TREH: variants seen among roughly 807,000 people sequenced by gnomAD.
The protein encoded by TREH is trehalase, also known as alpha,alpha-trehalose glucohydrolase.
In TREH, 69 loss-of-function variants were observed where a neutral mutation model predicts 80.5. The ratio of observed to expected loss-of-function variants is 0.86; its 90% confidence interval spans 0.71 to 1.05. The LOEUF (loss-of-function observed/expected upper bound fraction) is 1.05. TREH is among the 50% of genes least tolerant of loss of function. TREH has a pLI of 0.00. For missense variants in TREH, 716 were observed against 718.8 expected (o/e 1.00, Z 0.04); for synonymous variants, 309 against 293.5 (o/e 1.05, Z -0.54).
chr11:118,662,139 A>ACTGAT, intron 4 of TREH, 149 bp from the exon 5 acceptor site: 1 of 649,576 alleles, frequency 1.5e-6, no homozygotes, highest in Non-Finnish European at 2.7e-6. Context: ...CAGCCATGTA[A>ACTGAT]TCAAGGCCTG....
intron 1 of TREH, among the ~76,000 whole-genome samples, chr11:118,669,042 G>GAAAAGAAGTAA: frequency 6.6e-6 from 1 of 152,198 alleles, no homozygotes; most frequent in Admixed American, 6.5e-5. Context: ...CCTTAAGTAA[G>GAAAAGAAGTAA]AAAAGAAGTA....
At position 118,658,706 on chromosome 11, in the gene TREH, C is replaced by G; in HGVS notation, c.1573G>C (p.Gly525Arg). 1 of 1,602,080 alleles carries G rather than the reference C, an allele frequency of 6.2e-7. No homozygotes were observed. Among genetic ancestry groups the G allele is most frequent in the Non-Finnish European group, 8.5e-7 (1 of 1,174,232 alleles). ...KYDVSNGGQP[G>R]GGGEYEVQEG... ...TGAACTTCATATTCTCCTCCCCCAC[C>G]GGGCTGTCCACCGTTGCTGACGTCA... Residue 525 changes from glycine (G) to arginine (R), a missense_variant, in exon 14 of 15, where the codon GGT (glycine) becomes CGT (arginine). By Grantham distance (125) the Gly-to-Arg change is moderately radical. Transcript: ENST00000264029.
Position 118,660,392 on chromosome 11 carries a change from A to G in TREH, c.1102+147T>C. 8 of 770,308 alleles carry G rather than the reference A, an allele frequency of 1.0e-5. No individual in the cohort carries two copies. In the East Asian group the frequency reaches 1.6e-4, roughly 16 times the overall value. The allele number at this position is 770,308 out of a possible 1,614,324, so 47.7% of individuals were successfully genotyped here. On this transcript the variant is annotated intron_variant, in intron 10 of 14. Coordinates refer to ENST00000264029, the MANE Select transcript of TREH (RefSeq NM_007180.3). ...CGTTTGTTCTCTTGTCTGGTACGCAAATGTGAGTGCAGGCTTCCACTAGGG... is the reference window on the plus strand; with the variant it reads ...CGTTTGTTCTCTTGTCTGGTACGCAGATGTGAGTGCAGGCTTCCACTAGGG...
Position 118,661,303 on chromosome 11 carries a change from C to G in TREH, c.735-21G>C. 1 of 1,613,956 alleles carries G rather than the reference C, an allele frequency of 6.2e-7. No individual in the cohort carries two copies. The highest frequency in any genetic ancestry group is 8.5e-7 in the Non-Finnish European group (1 of 1,179,872). On this transcript the variant is annotated intron_variant, in intron 7 of 14. Coordinates refer to ENST00000264029, the MANE Select transcript of TREH (RefSeq NM_007180.3). The surrounding 1 kb of genome is among the most constrained non-coding windows in gnomAD (Gnocchi z 4.2). ...TTTCCCTGGAGTGAAGCAGACAACA[C>G]CTCAGCCCAGGCGTGCTGCCCATCC...
intron 12 of TREH, 64 bp from the exon 13 acceptor site, chr11:118,659,081 C>T (rs1949270198): frequency 3.3e-6 from 5 of 1,495,082 alleles, no homozygotes; most frequent in Middle Eastern, 1.9e-4. Context: ...GCAGTGGCTG[C>T]ACCCTACTCT....
intron 1 of TREH, among the ~76,000 whole-genome samples, chr11:118,668,561 C>CAAAA (rs35085066): frequency 0.034 from 1,611 of 47,806 alleles, 435 homozygotes; most frequent in Non-Finnish European, 0.042. Flanking sequence ...GACTCTGTCT[C>CAAAA]AAAAAAAAAA....
chr11:118,658,545 C>T (rs1949253359), intron 14 of TREH, 104 bp from the exon 15 acceptor site: 21 of 1,521,826 alleles, frequency 1.4e-5, no homozygotes, highest in East Asian at 4.9e-5. Context: ...CTAACCCCAG[C>T]GGTACAGGAA....
At position 118,663,171 on chromosome 11, in the gene TREH, C is replaced by T. The variant is rs370468179; in HGVS notation, c.216G>A (p.Glu72=). The T allele has an allele frequency of 4.3e-6, 7 of 1,612,652 alleles. 1 individual carries two copies. The highest frequency in any genetic ancestry group is 5.9e-6 in the Non-Finnish European group (7 of 1,179,380). ...APEQVLQTFT[E]LSRDHNHSIP... Reference sequence around the variant, plus strand: ...TGCTGTGATTGTGGTCCCTGGACAGCTCAGTGAAGGTCTGCAGGACTTGTT... The same window carrying T: ...TGCTGTGATTGTGGTCCCTGGACAGTTCAGTGAAGGTCTGCAGGACTTGTT... Residue 72 remains glutamate (E), a synonymous_variant, in exon 3 of 15, where the codon GAG becomes GAA. Transcript: ENST00000264029.
chr11:118,659,988 C>T, intron 10 of TREH, 24 bp from the exon 11 acceptor site: 1 of 1,546,150 alleles, frequency 6.5e-7, no homozygotes, highest in Non-Finnish European at 8.7e-7. Flanking sequence ...GCCTTTAGAG[C>T]CAGCAGCCAG....
chr11:118,673,620 C>G (rs1275884181), intron 1 of TREH, among the ~76,000 whole-genome samples: 5 of 152,180 alleles, frequency 3.3e-5, no homozygotes, highest in African/African-American at 9.7e-5. Flanking sequence ...TGCCCCAGTT[C>G]CTTTTGATCC....
chr11:118,660,224 TC>T (rs1949303960), intron 10 of TREH, among the ~76,000 whole-genome samples: 1 of 152,134 alleles, frequency 6.6e-6, no homozygotes, highest in African/African-American at 2.4e-5. Flanking sequence ...CTGGGTGGAT[TC>T]CCCTAGCTCT....
At chr11:118,669,028 A>G (rs1229384094) in intron 1 of TREH, among the ~76,000 whole-genome samples, 1 of 152,236 alleles carries the variant, frequency 6.6e-6, no homozygotes, top group Non-Finnish European at 1.5e-5. Context: ...GCAGACATAC[A>G]TTCCCTTAAG....
At chr11:118,663,489 A>G in intron 1 of TREH, 50 bp from the exon 2 acceptor site, 2 of 1,424,586 alleles carry the variant, frequency 1.4e-6, no homozygotes, top group Non-Finnish European at 1.9e-6. Context: ...CCACCCCATT[A>G]GGACAGAAGA....
chr11:118,658,545 C>A, intron 14 of TREH, 104 bp from the exon 15 acceptor site: 2 of 1,521,826 alleles, frequency 1.3e-6, no homozygotes, highest in Non-Finnish European at 1.8e-6. Flanking sequence ...CTAACCCCAG[C>A]GGTACAGGAA....
Position 118,661,960 on chromosome 11 carries a change from G to T in TREH, c.454C>A (p.Arg152=). ...TGTTCTGAGTAGATGAGAGAGAACC[G>T]CTCAGGGTGGCTGAGAACCTCTGGC... ...MKPEVLSHPE[R]FSLIYSEHPF... The change falls in exon 5 of 15, where the codon CGG becomes AGG. Residue 152 remains arginine, a synonymous_variant. Coordinates refer to ENST00000264029, the MANE Select transcript of TREH (RefSeq NM_007180.3). The surrounding 1 kb of genome is among the most constrained non-coding windows in gnomAD (Gnocchi z 4.2). The T allele has an allele frequency of 6.4e-7, 1 of 1,554,364 alleles. No homozygotes were observed.
intron 1 of TREH, among the ~76,000 whole-genome samples, chr11:118,676,862 AG>A (rs10719394): frequency 1 from 152,172 of 152,174 alleles, 76,085 homozygotes; most frequent in Non-Finnish European, 1. Context: ...GGAGATTCCA[AG>A]GAGCTTAGAG....
At chr11:118,664,039 T>C (rs1949354116) in intron 1 of TREH, among the ~76,000 whole-genome samples, 1 of 152,206 alleles carries the variant, frequency 6.6e-6, no homozygotes. Flanking sequence ...GAAGAGTTCC[T>C]GAATAAAATG....
intron 1 of TREH, among the ~76,000 whole-genome samples, chr11:118,667,304 G>A (rs1360427822): frequency 6.6e-6 from 1 of 152,036 alleles, no homozygotes; most frequent in African/African-American, 2.4e-5. Flanking sequence ...TCAGCCTCCT[G>A]AGTAGCTGGG....
chr11:118,676,769 CA>C (rs11381679), intron 1 of TREH, among the ~76,000 whole-genome samples: 4 of 145,990 alleles, frequency 2.7e-5, no homozygotes, highest in African/African-American at 5.1e-5. Flanking sequence ...ATTGCTGTCT[CA>C]AAAAAAAAAA....
Sources: allele counts gnomAD v4.1 joint callset (sites outside exome capture counted in the v4.1 genomes callset), GRCh38; gene constraint gnomAD v4.1.1; non-coding constraint Gnocchi (gnomAD v3.1); transcripts MANE v1.5; gene names NCBI Gene and HGNC (gene_info 2026-07-23, HGNC 2026-07-21).